Variants in NRG1 observed in about 807,000 individuals in gnomAD.
NRG1 encodes the protein neuregulin 1, also known as pro-neuregulin-1, membrane-bound isoform.
NRG1 carries 18 observed loss-of-function variants against 63.8 expected under a neutral mutation model. The ratio of observed to expected loss-of-function variants is 0.28; its 90% CI spans 0.19 to 0.42. The LOEUF is 0.42. Ranked by LOEUF, NRG1 falls within the 10% of genes least tolerant of loss-of-function variation. The probability of loss-of-function intolerance (pLI) is 1.00; values close to 1 mark genes in which losing one functional copy is unlikely to be tolerated. For synonymous variants in NRG1, 302 were observed against 301.3 expected, an observed-to-expected ratio of 1.00 and a Z score of -0.02; for missense variants, 762 against 814.7, an observed-to-expected ratio of 0.94 and a Z score of 0.79.
intron 1 of NRG1, among the ~76,000 whole-genome samples, chr8:31,721,061 G>C (rs2131305606): frequency 6.6e-6 from 1 of 152,286 alleles, no homozygotes; most frequent in East Asian, 1.9e-4. Flanking sequence ...AATCTGTGAA[G>C]CAAGTGATAG....
At chr8:32,465,888 A>G (rs956413187) in intron 1 of NRG1, among the ~76,000 whole-genome samples, 1 of 152,230 alleles carries the variant, frequency 6.6e-6, no homozygotes, top group African/African-American at 2.4e-5. Context: ...AAAAAAGTAT[A>G]TTTACAATAG....
intron 1 of NRG1, among the ~76,000 whole-genome samples, chr8:31,758,003 C>T (rs573980718): frequency 9.9e-5 from 15 of 152,132 alleles, no homozygotes; most frequent in Middle Eastern, 3.4e-3. Flanking sequence ...TAGCTGTTCT[C>T]GAACTTCATA....
At chr8:32,522,496 A>G (rs56195607) in intron 1 of NRG1, among the ~76,000 whole-genome samples, 8,031 of 152,220 alleles carry the variant, frequency 0.053, 286 homozygotes, top group Middle Eastern at 0.085. Flanking sequence ...CTGTGTTCTC[A>G]TGGCCTTGGA....
intron 1 of NRG1, among the ~76,000 whole-genome samples, chr8:31,805,317 T>G (rs1586541397): frequency 6.6e-6 from 1 of 151,914 alleles, no homozygotes; most frequent in African/African-American, 2.4e-5. Context: ...TATTCAGTCA[T>G]TTTAGAATAG....
intron 1 of NRG1, among the ~76,000 whole-genome samples, chr8:31,674,962 A>C (rs1807531898): frequency 6.6e-6 from 1 of 152,194 alleles, no homozygotes; most frequent in Non-Finnish European, 1.5e-5. Flanking sequence ...GAGGTCCCAC[A>C]GAGGTGGAGG....
At chr8:32,657,756 A>G (rs1014223373) in intron 5 of NRG1, among the ~76,000 whole-genome samples, 5 of 152,206 alleles carry the variant, frequency 3.3e-5, no homozygotes, top group Admixed American at 2.6e-4. Context: ...AGCAAAAGGA[A>G]TCAGTAACCA....
At chr8:32,390,602 T>TAAAAAAAAAAAAAAAAAA (rs66980062) in intron 1 of NRG1, among the ~76,000 whole-genome samples, 1 of 130,656 alleles carries the variant, frequency 7.7e-6, no homozygotes, top group Non-Finnish European at 1.6e-5. Flanking sequence ...GACCCTGTCT[T>TAAAAAAAAAAAAAAAAAA]AAAAAAAAAA....
intron 1 of NRG1, among the ~76,000 whole-genome samples, chr8:32,153,863 A>T (rs772962540): frequency 6.6e-6 from 1 of 152,210 alleles, no homozygotes; most frequent in East Asian, 1.9e-4. Flanking sequence ...TGGTGGTCTG[A>T]AAAGTTAGGT....
chr8:31,751,649 CTG>C (rs557185587), intron 1 of NRG1, among the ~76,000 whole-genome samples: 39 of 152,084 alleles, frequency 2.6e-4, no homozygotes, highest in Admixed American at 5.3e-4. Context: ...GGAGAACTGA[CTG>C]TGTGGACACA....
At chr8:32,582,349 C>T (rs191731027) in intron 1 of NRG1, among the ~76,000 whole-genome samples, 2 of 152,186 alleles carry the variant, frequency 1.3e-5, no homozygotes, top group African/African-American at 2.4e-5. Flanking sequence ...CTGCCTACCT[C>T]AGCCTCCCAA....
At chr8:32,154,325 C>A (rs1409251694) in intron 1 of NRG1, among the ~76,000 whole-genome samples, 1 of 151,970 alleles carries the variant, frequency 6.6e-6, no homozygotes, top group Non-Finnish European at 1.5e-5. Flanking sequence ...GCTAGTAGTA[C>A]CTGATGGTAC....
intron 1 of NRG1, among the ~76,000 whole-genome samples, chr8:31,937,506 G>A (rs1020822781): frequency 2.0e-5 from 3 of 152,210 alleles, no homozygotes; most frequent in Non-Finnish European, 2.9e-5. Flanking sequence ...AAAAATGGGA[G>A]AGAATCCACA....
At chr8:31,835,020 G>A (rs778368431) in intron 1 of NRG1, among the ~76,000 whole-genome samples, 1 of 152,148 alleles carries the variant, frequency 6.6e-6, no homozygotes, top group Non-Finnish European at 1.5e-5. Flanking sequence ...CATATTAATG[G>A]CATGCTGCTA....
At chr8:31,858,384 T>C (rs1455236482) in intron 1 of NRG1, among the ~76,000 whole-genome samples, 2 of 151,826 alleles carry the variant, frequency 1.3e-5, no homozygotes, top group African/African-American at 4.8e-5. Context: ...ATTGGAAAGG[T>C]GAAAAAGCTT....
intron 1 of NRG1, among the ~76,000 whole-genome samples, chr8:32,577,782 C>T (rs1409618008): frequency 3.3e-5 from 5 of 151,734 alleles, no homozygotes; most frequent in African/African-American, 9.7e-5. Context: ...CTTTATCCAT[C>T]TCTCTCTTTT....
intron 1 of NRG1, among the ~76,000 whole-genome samples, chr8:32,146,359 T>C (rs565442932): frequency 8.5e-5 from 13 of 152,320 alleles, no homozygotes; most frequent in African/African-American, 3.1e-4. Flanking sequence ...AAGATAGACA[T>C]TGACAAAACT....
At chr8:32,043,851 A>C (rs1820489051) in intron 1 of NRG1, among the ~76,000 whole-genome samples, 1 of 151,930 alleles carries the variant, frequency 6.6e-6, no homozygotes, top group African/African-American at 2.4e-5. Flanking sequence ...AAAATAATCC[A>C]ATAACACAAA....
At chr8:31,959,792 TTA>T (rs1805122060) in intron 1 of NRG1, among the ~76,000 whole-genome samples, 1 of 122,916 alleles carries the variant, frequency 8.1e-6, no homozygotes, top group African/African-American at 3.7e-5. Context: ...ATTTATTTAT[TTA>T]TTATTTATTT....
intron 1 of NRG1, among the ~76,000 whole-genome samples, chr8:31,805,622 A>C (rs1049049079): frequency 6.6e-6 from 1 of 152,040 alleles, no homozygotes; most frequent in Admixed American, 6.6e-5. Context: ...AGGTCAGGAG[A>C]TGGAGACCAT....
Sources: gnomAD v4.1 joint callset for allele counts (sites outside exome capture counted in the v4.1 genomes callset) on GRCh38, gnomAD v4.1.1 for gene constraint, MANE v1.5 for transcripts, NCBI Gene and HGNC (gene_info 2026-07-23, HGNC 2026-07-21) for gene names.